The following SMCO2 variants were observed in gnomAD, a reference collection of about 807,000 sequenced individuals.
The protein encoded by SMCO2 is single-pass membrane and coiled-coil domain-containing protein 2.
A neutral mutation model predicts 29.5 loss-of-function variants in SMCO2; 25 were observed. The observed-to-expected ratio is 0.85, with a 90% CI of 0.62 to 1.18. The LOEUF (loss-of-function observed/expected upper bound fraction) is 1.18, where lower values mean the gene tolerates loss of function less well. Ranked by LOEUF, SMCO2 falls within the 50% of genes most tolerant of loss-of-function variation. The pLI, the probability that SMCO2 is intolerant of heterozygous loss-of-function variation, is 0.00. For synonymous variants in SMCO2, 117 were observed against 123.3 expected (o/e 0.95, Z 0.34); for missense variants, 348 against 344.5 (o/e 1.01, Z -0.08).
At chr12:27,457,341 C>A in the SMCO2 span, among the ~76,000 whole-genome samples, 3 of 152,232 alleles carry the variant, frequency 2.0e-5, no homozygotes, top group African/African-American at 7.2e-5. Flanking sequence ...ATTTTCATTT[C>A]TCATTGGGGC....
chr12:27,480,695 C>T (rs1208875186), intron 4 of SMCO2, among the ~76,000 whole-genome samples: 1 of 151,518 alleles, frequency 6.6e-6, no homozygotes. Flanking sequence ...AAGAATGTGG[C>T]ACCTCTCCCC....
At chr12:27,456,346 A>C in the SMCO2 span, among the ~76,000 whole-genome samples, 1 of 152,258 alleles carries the variant, frequency 6.6e-6, no homozygotes, top group Non-Finnish European at 1.5e-5. Flanking sequence ...CTGGGGTGAG[A>C]AGTGGAATTA....
At chr12:27,470,522 C>G in intron 1 of SMCO2, 100 bp from the exon 2 acceptor site, 1 of 1,339,756 alleles carries the variant, frequency 7.5e-7, no homozygotes, top group Non-Finnish European at 1.0e-6. Context: ...GGAATTAAAG[C>G]CAAATGCCCT....
chr12:27,423,985 C>T, the SMCO2 span: 1 of 152,062 alleles, frequency 6.6e-6, no homozygotes, highest in South Asian at 2.1e-4. Context: ...ATTTTGAAGA[C>T]TAGTATTACC....
chr12:27,433,606 A>T, the SMCO2 span, among the ~76,000 whole-genome samples: 2 of 152,024 alleles, frequency 1.3e-5, no homozygotes, highest in Admixed American at 6.6e-5. Flanking sequence ...AAATTCTAAA[A>T]CTCTACCCAA....
At chr12:27,474,708 A>G in intron 3 of SMCO2, 78 bp from the exon 4 acceptor site, 1 of 1,506,684 alleles carries the variant, frequency 6.6e-7, no homozygotes, top group Non-Finnish European at 9.0e-7. Context: ...GCAAAGGGGG[A>G]TTGGGTAGGG....
At chr12:27,469,821 C>G (rs765407866) in intron 1 of SMCO2, among the ~76,000 whole-genome samples, 1 of 152,188 alleles carries the variant, frequency 6.6e-6, no homozygotes, top group Non-Finnish European at 1.5e-5. Flanking sequence ...TACTTAAGTA[C>G]TCCAACAATT....
the SMCO2 span, among the ~76,000 whole-genome samples, chr12:27,454,455 T>G: frequency 6.6e-6 from 1 of 152,024 alleles, no homozygotes; most frequent in Non-Finnish European, 1.5e-5. Context: ...TGATAATGGG[T>G]GATAGGGTTG....
chr12:27,471,502 C>T (rs404478), intron 2 of SMCO2, among the ~76,000 whole-genome samples: 79 of 152,256 alleles, frequency 5.2e-4, no homozygotes, highest in African/African-American at 1.8e-3. Context: ...TTTATAGACA[C>T]ATATCACACA....
intron 4 of SMCO2, among the ~76,000 whole-genome samples, chr12:27,485,297 G>A (rs1458975000): frequency 6.6e-6 from 1 of 151,624 alleles, no homozygotes; most frequent in African/African-American, 2.4e-5. Context: ...TTTGATCTGG[G>A]TCTTTTTTCT....
At chr12:27,432,774 T>G in the SMCO2 span, among the ~76,000 whole-genome samples, 1 of 152,208 alleles carries the variant, frequency 6.6e-6, no homozygotes, top group Non-Finnish European at 1.5e-5. Flanking sequence ...GCATATTCAT[T>G]AAAGCAGAAT....
intron 4 of SMCO2, among the ~76,000 whole-genome samples, chr12:27,482,093 A>G (rs384555): frequency 0.12 from 18,142 of 150,990 alleles, 2,105 homozygotes; most frequent in African/African-American, 0.28. Context: ...GGTGAACTTT[A>G]GGTCATTGAT....
intron 5 of SMCO2, among the ~76,000 whole-genome samples, chr12:27,490,477 A>C (rs1949726147): frequency 6.6e-6 from 1 of 152,218 alleles, no homozygotes; most frequent in South Asian, 2.1e-4. Flanking sequence ...AATTCATAGA[A>C]CTGTATACTT....
chr12:27,496,102 T>C (rs1345043286), intron 7 of SMCO2, among the ~76,000 whole-genome samples: 8 of 150,302 alleles, frequency 5.3e-5, no homozygotes, highest in Non-Finnish European at 1.2e-4. Flanking sequence ...TCTAAAGATT[T>C]ATCTTTAGAT....
chr12:27,444,704 G>T, the SMCO2 span, among the ~76,000 whole-genome samples: 1 of 152,186 alleles, frequency 6.6e-6, no homozygotes, highest in Non-Finnish European at 1.5e-5. Flanking sequence ...CTACAAGGAC[G>T]TGGAGAAAGG....
rs1238077738 is a variant in SMCO2 at position 27,475,670 on chromosome 12, G to A, written c.362+757G>A. The A allele has an allele frequency of 4.7e-5, 73 of 1,548,308 alleles. 1 individual carries two copies. The highest frequency in any genetic ancestry group is 1.7e-4 in the Middle Eastern group (1 of 6,006). On this transcript the variant is annotated intron_variant, in intron 4 of 7. Coordinates refer to ENST00000298876, the Ensembl canonical transcript of SMCO2. ...AGAACTTGGAGCTGATTACATAGAC[G>A]GAACGGAGAAAATTGACAATATTAT...
chr12:27,473,053 T>C, intron 3 of SMCO2, 178 bp downstream of exon 3: 1 of 535,886 alleles, frequency 1.9e-6, no homozygotes, highest in Non-Finnish European at 3.3e-6. Flanking sequence ...TTGTTCCCAC[T>C]GGATGCTGCT....
chr12:27,464,224 A>G (rs1321760716), upstream of SMCO2, among the ~76,000 whole-genome samples: 1 of 152,186 alleles, frequency 6.6e-6, no homozygotes, highest in African/African-American at 2.4e-5. Flanking sequence ...AATGGAAAAA[A>G]GGCTGCACAC....
the SMCO2 span, chr12:27,446,539 T>A: frequency 6.6e-6 from 1 of 152,170 alleles, no homozygotes; most frequent in Non-Finnish European, 1.5e-5. Context: ...ACGTCACTGA[T>A]CAACTTCCAC....
Sources: gnomAD v4.1 joint callset for allele counts (sites outside exome capture counted in the v4.1 genomes callset) on GRCh38, gnomAD v4.1.1 for gene constraint, MANE v1.5 for transcripts, NCBI Gene and HGNC (gene_info 2026-07-23, HGNC 2026-07-21) for gene names.